Variants in LYPD6B observed in about 807,000 individuals in gnomAD.
LYPD6B encodes the protein LY6/PLAUR domain containing 6B.
LYPD6B carries 17 observed loss-of-function variants against 22.8 expected under a neutral mutation model. The observed-to-expected ratio is 0.75, with a 90% confidence interval of 0.51 to 1.12. The LOEUF (loss-of-function observed/expected upper bound fraction) is 1.12, where lower values mean the gene tolerates loss of function less well. LYPD6B is among the 50% of genes most tolerant of loss of function. The pLI is 0.00. For missense variants in LYPD6B, 221 were observed against 258.3 expected, an observed-to-expected ratio of 0.86 and a Z score of 0.99; for synonymous variants, 106 against 91.6, an observed-to-expected ratio of 1.16 and a Z score of -0.90.
At chr2:149,143,485 T>G (rs1289951071) in intron 2 of LYPD6B, among the ~76,000 whole-genome samples, 1 of 147,690 alleles carries the variant, frequency 6.8e-6, no homozygotes, top group African/African-American at 2.5e-5. Context: ...GTTTAGAAAT[T>G]TGTGTTCTAA....
intron 3 of LYPD6B, among the ~76,000 whole-genome samples, chr2:149,191,661 T>TA (rs1692498753): frequency 6.6e-6 from 1 of 152,222 alleles, no homozygotes; most frequent in Admixed American, 6.5e-5. Context: ...TCATACTATA[T>TA]AAAAATTGAA....
chr2:149,065,101 C>T (rs1165395470), intron 1 of LYPD6B, among the ~76,000 whole-genome samples: 1 of 152,200 alleles, frequency 6.6e-6, no homozygotes, highest in African/African-American at 2.4e-5. Flanking sequence ...GAAGTTCACC[C>T]TCCCTCCCTC....
chr2:149,114,607 C>T (rs570255431), intron 1 of LYPD6B, among the ~76,000 whole-genome samples: 1 of 152,280 alleles, frequency 6.6e-6, no homozygotes, highest in African/African-American at 2.4e-5. Flanking sequence ...GTTCTAAGGG[C>T]TAATCTTTAG....
At chr2:149,045,425 CTT>C (rs1390418410) in intron 1 of LYPD6B, among the ~76,000 whole-genome samples, 4 of 151,840 alleles carry the variant, frequency 2.6e-5, no homozygotes, top group African/African-American at 9.7e-5. Flanking sequence ...GATTTCTGCT[CTT>C]ATTTTATTAT....
intron 1 of LYPD6B, among the ~76,000 whole-genome samples, chr2:149,121,593 T>C (rs1049710013): frequency 6.6e-5 from 10 of 152,182 alleles, no homozygotes; most frequent in Admixed American, 2.6e-4. Context: ...TGGAAAGTCA[T>C]GTCCAGCTCT....
intron 3 of LYPD6B, among the ~76,000 whole-genome samples, 179 bp downstream of exon 3, chr2:149,161,014 T>C (rs551447496): frequency 6.6e-6 from 1 of 152,332 alleles, no homozygotes; most frequent in East Asian, 1.9e-4. Context: ...TTTGGAAGCC[T>C]GGCTTGTGCT....
chr2:149,045,782 A>G (rs1445431720), intron 1 of LYPD6B, among the ~76,000 whole-genome samples: 2 of 151,842 alleles, frequency 1.3e-5, no homozygotes, highest in East Asian at 3.9e-4. Flanking sequence ...GTTCTTTTAG[A>G]TTTGTTCATA....
At chr2:149,073,047 G>A (rs904967252) in intron 1 of LYPD6B, among the ~76,000 whole-genome samples, 8 of 152,186 alleles carry the variant, frequency 5.3e-5, no homozygotes, top group African/African-American at 1.9e-4. Flanking sequence ...TAGTGAGCAG[G>A]GGGAATGGTA....
intron 2 of LYPD6B, among the ~76,000 whole-genome samples, chr2:149,140,027 AT>A (rs1004375993): frequency 6.3e-4 from 96 of 151,600 alleles, no homozygotes; most frequent in African/African-American, 2.2e-3. Flanking sequence ...GTGGGGGTGG[AT>A]TTTTTTTTCT....
intron 1 of LYPD6B, among the ~76,000 whole-genome samples, chr2:149,061,641 T>C (rs1466592775): frequency 6.6e-6 from 1 of 152,086 alleles, no homozygotes; most frequent in African/African-American, 2.4e-5. Flanking sequence ...GGGGCAGTGA[T>C]GGAAGGAGTC....
At chr2:149,126,868 GC>G (rs1229699330) in intron 1 of LYPD6B, among the ~76,000 whole-genome samples, 2 of 151,412 alleles carry the variant, frequency 1.3e-5, no homozygotes, top group Non-Finnish European at 2.9e-5. Flanking sequence ...TGTGCTTCAT[GC>G]CTCTTAATAC....
At chr2:149,169,415 G>T (rs1484031807) in intron 3 of LYPD6B, among the ~76,000 whole-genome samples, 1 of 152,174 alleles carries the variant, frequency 6.6e-6, no homozygotes, top group Non-Finnish European at 1.5e-5. Context: ...GCATGACTTT[G>T]AAGGGGATAA....
intron 1 of LYPD6B, among the ~76,000 whole-genome samples, chr2:149,075,556 T>C (rs903368819): frequency 6.6e-6 from 1 of 152,212 alleles, no homozygotes. Flanking sequence ...TTAAAAGTTG[T>C]CAAACTTCTC....
intron 1 of LYPD6B, among the ~76,000 whole-genome samples, chr2:149,116,724 G>T (rs1451820301): frequency 6.6e-6 from 1 of 152,186 alleles, no homozygotes; most frequent in African/African-American, 2.4e-5. Flanking sequence ...CATATAATGG[G>T]CACTCAGCAA....
chr2:149,167,831 T>G (rs1690532033), intron 3 of LYPD6B, among the ~76,000 whole-genome samples: 1 of 152,152 alleles, frequency 6.6e-6, no homozygotes, highest in African/African-American at 2.4e-5. Context: ...AGCCCCTTCT[T>G]TTTATATTTT....
intron 3 of LYPD6B, among the ~76,000 whole-genome samples, chr2:149,168,833 G>A (rs1202333484): frequency 2.0e-5 from 3 of 152,144 alleles, no homozygotes; most frequent in Non-Finnish European, 4.4e-5. Flanking sequence ...GATCAAGTGT[G>A]TGGTCAAGTC....
chr2:149,207,891 A>G (rs1036823429), intron 4 of LYPD6B, among the ~76,000 whole-genome samples: 2 of 152,134 alleles, frequency 1.3e-5, no homozygotes, highest in African/African-American at 4.8e-5. Context: ...ATTTTAAAAA[A>G]TCACACAACT....
At chr2:149,075,035 C>T (rs1684817609) in intron 1 of LYPD6B, among the ~76,000 whole-genome samples, 1 of 152,164 alleles carries the variant, frequency 6.6e-6, no homozygotes, top group Non-Finnish European at 1.5e-5. Flanking sequence ...TGCCTTTTCT[C>T]TTTTTAAGGA....
chr2:149,120,321 A>G (rs1374341894), intron 1 of LYPD6B, among the ~76,000 whole-genome samples: 2 of 130,336 alleles, frequency 1.5e-5, no homozygotes, highest in African/African-American at 5.8e-5. Context: ...GTGTATATAT[A>G]TGTGTATATA....
Sources: allele counts gnomAD v4.1 joint callset (sites outside exome capture counted in the v4.1 genomes callset), GRCh38; gene constraint gnomAD v4.1.1; transcripts MANE v1.5; gene names NCBI Gene and HGNC (gene_info 2026-07-23, HGNC 2026-07-21).